SLC14A2: variants seen among roughly 807,000 people sequenced by gnomAD.
SLC14A2 encodes urea transporter 2.
In SLC14A2, 91 loss-of-function variants were observed where a neutral mutation model predicts 104.6. The ratio of observed to expected loss-of-function variants is 0.87; its 90% CI spans 0.73 to 1.04. The LOEUF is 1.04. SLC14A2 is among the 50% of genes least tolerant of loss of function. SLC14A2 has a pLI of 0.00. For synonymous variants in SLC14A2, 476 were observed against 466.4 expected (o/e 1.02, Z -0.27); for missense variants, 1,189 against 1,156.0 (o/e 1.03, Z -0.41).
chr18:45,254,988 A>G (rs1197282885), intron 1 of SLC14A2, among the ~76,000 whole-genome samples: 2 of 152,066 alleles, frequency 1.3e-5, no homozygotes, highest in Non-Finnish European at 2.9e-5. Flanking sequence ...TGCATTAGTA[A>G]TGCTGTGTGA....
chr18:45,669,056 G>C (rs528805520), intron 15 of SLC14A2, among the ~76,000 whole-genome samples: 2 of 152,354 alleles, frequency 1.3e-5, no homozygotes, highest in African/African-American at 4.8e-5. Flanking sequence ...GGAGCTATAG[G>C]ATTCCTGAAG....
At chr18:45,523,009 G>C (rs2144812835) in intron 2 of SLC14A2, among the ~76,000 whole-genome samples, 1 of 152,280 alleles carries the variant, frequency 6.6e-6, no homozygotes, top group Non-Finnish European at 1.5e-5. Context: ...CCAAGTCATG[G>C]GTGAGAGGGC....
intron 1 of SLC14A2, among the ~76,000 whole-genome samples, chr18:45,351,526 G>T (rs1053956230): frequency 4.6e-5 from 7 of 151,958 alleles, no homozygotes; most frequent in Non-Finnish European, 7.4e-5. Context: ...AGCTAATTTT[G>T]TTCATTTTTT....
the SLC14A2 span, among the ~76,000 whole-genome samples, chr18:45,200,771 A>T: frequency 1.3e-5 from 2 of 152,178 alleles, no homozygotes; most frequent in Non-Finnish European, 2.9e-5. Context: ...AGAAACTTTT[A>T]AAGAATAGTT....
At chr18:45,368,928 A>C (rs1598728295) in intron 1 of SLC14A2, among the ~76,000 whole-genome samples, 1 of 152,340 alleles carries the variant, frequency 6.6e-6, no homozygotes, top group East Asian at 1.9e-4. Flanking sequence ...CACAGGCCTT[A>C]AAAAGCATGA....
intron 19 of SLC14A2, among the ~76,000 whole-genome samples, chr18:45,679,694 G>A (rs2144667166): frequency 6.6e-6 from 1 of 152,272 alleles, no homozygotes; most frequent in East Asian, 1.9e-4. Context: ...GGAGGGAGTG[G>A]GCATTCTAGT....
At chr18:45,389,917 A>G (rs1025323748) in intron 1 of SLC14A2, among the ~76,000 whole-genome samples, 1 of 152,238 alleles carries the variant, frequency 6.6e-6, no homozygotes, top group Admixed American at 6.5e-5. Flanking sequence ...GTAGCACGTA[A>G]AAGTCCCATT....
At chr18:45,243,083 T>C (rs77508523) in intron 1 of SLC14A2, among the ~76,000 whole-genome samples, 17,836 of 152,228 alleles carry the variant, frequency 0.12, 1,136 homozygotes, top group East Asian at 0.15. Context: ...TAATTTGGCC[T>C]TTTGGGCCTT....
At chr18:45,524,278 T>C (rs1370414244) in intron 2 of SLC14A2, among the ~76,000 whole-genome samples, 3 of 152,252 alleles carry the variant, frequency 2.0e-5, no homozygotes, top group Non-Finnish European at 4.4e-5. Context: ...CTTAGTGCCC[T>C]CAACACCTCA....
intron 6 of SLC14A2, 131 bp downstream of exon 6, chr18:45,637,313 G>T: frequency 1.5e-6 from 1 of 682,432 alleles, no homozygotes; most frequent in Non-Finnish European, 2.4e-6. Context: ...GCCTCAGCAG[G>T]GTATCAGAAA....
In SLC14A2 at chr18:45,473,281, G is replaced by A. The variant is rs2264281; in HGVS notation, c.-124-9952G>A. ...ACCATGCTGTTTTGGTTACTGTAGC[G>A]TTGTAGTATGGTTTGAAGTCAGGTA... On this transcript the variant is annotated intron_variant, in intron 1 of 20. Transcript: ENST00000586448. 1.3e-3 allele frequency among the ~76,000 whole-genome samples: 194 copies of A among 152,106 alleles called. No individual in the cohort carries two copies. In the East Asian group the frequency reaches 0.018, roughly 14 times the overall value.
At chr18:45,330,721 G>A (rs776760090) in intron 1 of SLC14A2, among the ~76,000 whole-genome samples, 12 of 152,236 alleles carry the variant, frequency 7.9e-5, no homozygotes, top group African/African-American at 2.6e-4. Flanking sequence ...GCTGTCCCTC[G>A]GGCCATTTCC....
intron 1 of SLC14A2, 49 bp downstream of exon 1, chr18:45,615,631 T>G (rs745503389): frequency 6.6e-6 from 1 of 150,604 alleles, no homozygotes; most frequent in Admixed American, 6.6e-5. Context: ...AATCACCCAC[T>G]CTCAGGTAGT....
intron 2 of SLC14A2, among the ~76,000 whole-genome samples, chr18:45,610,179 AATCACCTAAGGTGTTATTCAAAATACAG>A (rs1396493268): frequency 6.6e-6 from 1 of 152,042 alleles, no homozygotes; most frequent in African/African-American, 2.4e-5. Flanking sequence ...TGAGCCCAGG[AATCACCTAAGGTGTTATTCAAAATACAG>A]ATTCTGTTAT....
Position 45,639,760 on chromosome 18 carries a change from C to T in SLC14A2, c.858C>T (p.Ile286=), listed in dbSNP as rs1209627249. 4 of 1,613,896 alleles carry T rather than the reference C, an allele frequency of 2.5e-6. No homozygotes were observed. The highest frequency in any genetic ancestry group is 3.4e-6 in the Non-Finnish European group (4 of 1,179,946). The change falls in exon 7 of 20, where the codon ATC becomes ATT. Residue 286 remains isoleucine, a synonymous_variant. Transcript: ENST00000255226. Reference sequence around the variant, plus strand: ...TAACTTTGCAGCTGTTACAAGCCATCCCTGTTGGGGTCGGCCAGGTGTATG... The same window carrying T: ...TAACTTTGCAGCTGTTACAAGCCATTCCTGTTGGGGTCGGCCAGGTGTATG... ...EMEMPLLLQA[I]PVGVGQVYGC...
At chr18:45,185,311 C>T in the SLC14A2 span, among the ~76,000 whole-genome samples, 1 of 152,170 alleles carries the variant, frequency 6.6e-6, no homozygotes, top group Non-Finnish European at 1.5e-5. Context: ...TTCATGGTCT[C>T]TCATGCTTCA....
chr18:45,617,110 A>G (rs1000643407), intron 1 of SLC14A2, among the ~76,000 whole-genome samples: 1 of 152,150 alleles, frequency 6.6e-6, no homozygotes, highest in African/African-American at 2.4e-5. Context: ...CAAAGAAAAA[A>G]GTGTCACATA....
chr18:45,426,922 C>A (rs1352339261), intron 1 of SLC14A2, among the ~76,000 whole-genome samples: 1 of 152,132 alleles, frequency 6.6e-6, no homozygotes, highest in South Asian at 2.1e-4. Flanking sequence ...TCCATCTGCT[C>A]TTTTCCCTCA....
intron 2 of SLC14A2, among the ~76,000 whole-genome samples, chr18:45,536,233 G>A (rs537730941): frequency 1.3e-5 from 2 of 152,186 alleles, no homozygotes; most frequent in African/African-American, 4.8e-5. Flanking sequence ...ACAAGAGTGG[G>A]GTGGGCTTGA....
Sources: gnomAD v4.1 joint callset for allele counts (sites outside exome capture counted in the v4.1 genomes callset) on GRCh38, gnomAD v4.1.1 for gene constraint, MANE v1.5 for transcripts, NCBI Gene and HGNC (gene_info 2026-07-23, HGNC 2026-07-21) for gene names.